Variants in TEAD2 observed in about 807,000 individuals in gnomAD.
TEAD2 encodes TEA domain transcription factor 2.
Under a neutral mutation model 61.4 loss-of-function variants are expected in TEAD2, and 51 were observed. The ratio of observed to expected loss-of-function variants is 0.83; its 90% CI spans 0.66 to 1.05. TEAD2 has a LOEUF of 1.05. Among genes scored for constraint, TEAD2 ranks in the 50% least tolerant of loss-of-function variants. The pLI, the probability that TEAD2 is intolerant of heterozygous loss-of-function variation, is 0.00. For synonymous variants in TEAD2, 244 were observed against 243.2 expected (o/e 1.00, Z -0.03); for missense variants, 509 against 600.0 (o/e 0.85, Z 1.58).
rs763433114 is a variant in TEAD2, at chr19:49,341,340, C to T, written c.1340G>A (p.Arg447His). 17 of 1,613,906 alleles carry T rather than the reference C, an allele frequency of 1.1e-5. No individual in the cohort carries two copies. The highest frequency in any genetic ancestry group is 1.0e-4 in the Admixed American group (6 of 60,004). Residue 447 changes from arginine (R) to histidine (H), a missense_variant, in exon 13 of 13, where the codon CGC becomes CAC. Transcript: ENST00000593945. This position sits in a 1 kb window ranked among gnomAD's most constrained non-coding sequence, Gnocchi z 4.2. ...SERGAQHHIYRLVRD is the reference protein window; with the variant it reads ...SERGAQHHIYHLVRD Reference sequence around the variant, plus strand: ...GGTCCCCCTTCAGTCCCTGACCAGGCGGTAAATGTGATGCTGGGCCCCACG... The same window carrying T: ...GGTCCCCCTTCAGTCCCTGACCAGGTGGTAAATGTGATGCTGGGCCCCACG...
chr19:49,355,252 A>T, intron 6 of TEAD2, 46 bp from the exon 7 acceptor site: 1 of 1,612,960 alleles, frequency 6.2e-7, no homozygotes, highest in Non-Finnish European at 8.5e-7. Context: ...CCCTGTGGAC[A>T]GCTGCAGCCC....
Position 49,341,294 on chromosome 19 carries a change from T to A in TEAD2, c.*30A>T, listed in dbSNP as rs1568555272. 1 of 1,589,574 alleles carries A rather than the reference T, an allele frequency of 6.3e-7. No individual in the cohort carries two copies. On this transcript the variant is annotated 3_prime_UTR_variant, in exon 13 of 13. Transcript: ENST00000593945. This position sits in a 1 kb window ranked among gnomAD's most constrained non-coding sequence, Gnocchi z 4.2. ...GACCCTCCCTGGGAGGAGGGTGTTC[T>A]GGGGGGTGAGCCAGTTTTGGGGTCC...
intron 3 of TEAD2, chr19:49,357,637 G>C (rs1230858718): frequency 2.3e-6 from 1 of 440,736 alleles, no homozygotes; most frequent in Non-Finnish European, 4.2e-6. Context: ...CAGACATGCT[G>C]ATACAGTTCG....
At position 49,340,831 on chromosome 19, in the gene TEAD2, AG is replaced by A. The variant is rs1971212151; in HGVS notation, c.*492del. 1 of 206,524 alleles carries A rather than the reference AG, an allele frequency of 4.8e-6. No individual in the cohort carries two copies. The highest frequency in any genetic ancestry group is 9.9e-6 in the Non-Finnish European group (1 of 101,388). The allele number at this position is 206,524 out of a possible 1,614,324, so 12.8% of individuals were successfully genotyped here. A position where few individuals can be genotyped will look rare whatever the true frequency, so the allele number is the denominator to read the frequency against. ...CACCTGGCTCTGCTCCTGCACAGAA[AG>A]GGTTCATCTTCACTTTGTGATCTCA... On this transcript the variant is annotated 3_prime_UTR_variant, in exon 13 of 13. Transcript: ENST00000593945.
At chr19:49,345,377 G>A (rs1022811040) in intron 10 of TEAD2, among the ~76,000 whole-genome samples, 5 of 150,074 alleles carry the variant, frequency 3.3e-5, no homozygotes, top group Non-Finnish European at 7.4e-5. Context: ...TCTTTCGGCA[G>A]GGTCTCATTC....
chr19:49,360,727 AGAGAGGGG>A (rs1972791460), intron 1 of TEAD2, among the ~76,000 whole-genome samples: 1 of 135,860 alleles, frequency 7.4e-6, no homozygotes, highest in African/African-American at 2.8e-5. Context: ...GGAGGTCTAG[AGAGAGGGG>A]GACAGAGACC....
Position 49,355,362 on chromosome 19 carries a change from G to T in TEAD2, c.430C>A (p.Leu144Ile). The change falls in exon 6 of 13, where the codon CTC becomes ATC. Residue 144 changes from leucine to isoleucine, a missense_variant. Transcript: ENST00000593945. Reference sequence around the variant, plus strand: ...GCCTGCAGAGAAGGCGCGGAGATGAGCTGGGCAGAGGACATGGTTGCCATT... The same window carrying T: ...GCCTGCAGAGAAGGCGCGGAGATGATCTGGGCAGAGGACATGGTTGCCATT... ...QTMATMSSAQ[L>I]ISAPSLQAKL... The T allele has an allele frequency of 6.2e-7, 1 of 1,614,220 alleles. No homozygotes were observed. The highest frequency in any genetic ancestry group is 8.5e-7 in the Non-Finnish European group (1 of 1,180,050).
At chr19:49,358,585 G>A (rs1972562141) in intron 3 of TEAD2, among the ~76,000 whole-genome samples, 1 of 151,856 alleles carries the variant, frequency 6.6e-6, no homozygotes, top group African/African-American at 2.4e-5. Context: ...ATGCTTCCTG[G>A]ACAGCCTGCA....
chr19:49,361,418 C>T (rs547654195), intron 1 of TEAD2: 1 of 153,456 alleles, frequency 6.5e-6, no homozygotes, highest in Admixed American at 6.5e-5. Flanking sequence ...GGGACAGAGA[C>T]TCAGGGCAGC....
At chr19:49,355,584 T>C (rs957242756) in intron 5 of TEAD2, among the ~76,000 whole-genome samples, 165 bp from the exon 6 acceptor site, 18 of 152,124 alleles carry the variant, frequency 1.2e-4, no homozygotes, top group Non-Finnish European at 1.5e-5. Context: ...CCCAGCACTC[T>C]GGGAGCCGGA....
At chr19:49,346,675 A>G (rs1971663754) in intron 10 of TEAD2, among the ~76,000 whole-genome samples, 1 of 152,146 alleles carries the variant, frequency 6.6e-6, no homozygotes, top group African/African-American at 2.4e-5. Flanking sequence ...AAATAAACAA[A>G]TAAATGAATA....
At position 49,347,223 on chromosome 19, in the gene TEAD2, G is replaced by C. The variant is rs778945115; in HGVS notation, c.888C>G (p.Gly296=). The C allele has an allele frequency of 1.3e-5, 21 of 1,614,032 alleles. No homozygotes were observed. The highest frequency in any genetic ancestry group is 2.2e-5 in the South Asian group (2 of 91,076). ...KGGLRELYDR[G]PPHAFFLVKF... is the part of the protein sequence containing the mutation. ...TGACCAGGAAGAAGGCATGGGGGGG[G>C]CCACGATCATATAGCTCTCGGAGGC... Residue 296 remains glycine, a synonymous_variant, in exon 10 of 13, where the codon GGC becomes GGG. Coordinates refer to ENST00000593945, the MANE Select transcript of TEAD2 (RefSeq NM_001256660.2).
Position 49,347,116 on chromosome 19 carries a change from C to G in TEAD2, c.921+74G>C, listed in dbSNP as rs979601103. The G allele has an allele frequency of 1.2e-5, 19 of 1,568,502 alleles. No homozygotes were observed. The Middle Eastern group carries it at 6.8e-4, about 56-fold the overall frequency. On this transcript the variant is annotated intron_variant, in intron 10 of 12. Coordinates refer to ENST00000593945, the MANE Select transcript of TEAD2 (RefSeq NM_001256660.2). ...GACCTGGTAGGGCCCGCGACAGATT[C>G]TCTCAGGGCCAGAGGCCTTTGCTGG...
At chr19:49,356,573 G>A (rs535110416) in intron 4 of TEAD2, among the ~76,000 whole-genome samples, 1 of 152,130 alleles carries the variant, frequency 6.6e-6, no homozygotes, top group East Asian at 1.9e-4. Context: ...GGCACAAAGA[G>A]TAGGCAGGTC....
chr19:49,355,334 T>G lies in TEAD2; in HGVS notation c.458A>C (p.Lys153Thr). The change falls in exon 6 of 13, where the codon AAA becomes ACA. Residue 153 changes from lysine (K) to threonine (T), a missense_variant. Transcript: ENST00000593945. ...CACCTGAGGACCAGTGGGACCCAGTTTGGCCTGCAGAGAAGGCGCGGAGAT... is the reference window on the plus strand; with the variant it reads ...CACCTGAGGACCAGTGGGACCCAGTGTGGCCTGCAGAGAAGGCGCGGAGAT... ...QLISAPSLQA[K>T]LGPTGPQASE... 1 of 1,614,146 alleles carries G rather than the reference T, an allele frequency of 6.2e-7. No homozygotes were observed. Among genetic ancestry groups the G allele is most frequent in the Non-Finnish European group, 8.5e-7 (1 of 1,180,014 alleles).
intron 9 of TEAD2, 124 bp from the exon 10 acceptor site, chr19:49,347,487 C>T (rs959734408): frequency 2.6e-6 from 3 of 1,150,652 alleles, no homozygotes; most frequent in Non-Finnish European, 3.7e-6. Flanking sequence ...CACAGTCCAC[C>T]CAGCACTGGG....
chr19:49,354,677 A>C (rs1268869632), intron 7 of TEAD2, among the ~76,000 whole-genome samples: 1 of 151,668 alleles, frequency 6.6e-6, no homozygotes, highest in Non-Finnish European at 1.5e-5. Flanking sequence ...GATTAATTAT[A>C]ACCTCTGTTC....
In TEAD2 at chr19:49,347,224, C is replaced by G. The variant is rs761174408; in HGVS notation, c.887G>C (p.Gly296Ala). ...KGGLRELYDR[G>A]PPHAFFLVKF... is the part of the protein sequence containing the mutation. Reference sequence around the variant, plus strand: ...GACCAGGAAGAAGGCATGGGGGGGGCCACGATCATATAGCTCTCGGAGGCC... The same window carrying G: ...GACCAGGAAGAAGGCATGGGGGGGGGCACGATCATATAGCTCTCGGAGGCC... Residue 296 changes from glycine to alanine, a missense_variant, in exon 10 of 13, where the codon GGC becomes GCC. Transcript: ENST00000593945. 1.9e-6 allele frequency: 3 copies of G among 1,613,898 alleles called. No homozygotes were observed. Among genetic ancestry groups the G allele is most frequent in the African/African-American group, 2.7e-5 (2 of 74,864 alleles).
intron 7 of TEAD2, among the ~76,000 whole-genome samples, chr19:49,353,302 C>T (rs536086245): frequency 6.6e-6 from 1 of 151,316 alleles, no homozygotes; most frequent in South Asian, 2.1e-4. Flanking sequence ...TTTTACTATG[C>T]TGGACAGGCT....
Sources: allele counts gnomAD v4.1 joint callset (sites outside exome capture counted in the v4.1 genomes callset), GRCh38; gene constraint gnomAD v4.1.1; non-coding constraint Gnocchi (gnomAD v3.1); transcripts MANE v1.5; gene names NCBI Gene and HGNC (gene_info 2026-07-23, HGNC 2026-07-21).